The following ARRB1 variants were observed in gnomAD, a reference collection of about 807,000 sequenced individuals.
ARRB1 encodes the protein beta-arrestin-1.
A neutral mutation model predicts 56.8 loss-of-function variants in ARRB1; 21 were observed. The ratio of observed to expected loss-of-function variants is 0.37; its 90% CI spans 0.26 to 0.53. The LOEUF (loss-of-function observed/expected upper bound fraction) is 0.53. Ranked by LOEUF, ARRB1 falls within the 20% of genes least tolerant of loss-of-function variation. The probability of loss-of-function intolerance (pLI) is 0.88; values close to 1 mark genes in which losing one functional copy is unlikely to be tolerated. For missense variants in ARRB1, 424 were observed against 553.7 expected (o/e 0.77, Z 2.35); for synonymous variants, 210 against 218.6 (o/e 0.96, Z 0.35).
At chr11:75,302,704 G>A (rs1440374925) in intron 1 of ARRB1, among the ~76,000 whole-genome samples, 1 of 152,176 alleles carries the variant, frequency 6.6e-6, no homozygotes, top group African/African-American at 2.4e-5. Flanking sequence ...CCACCCCATA[G>A]GCTGGGGATA....
chr11:75,337,232 C>T (rs1480628493), intron 1 of ARRB1, among the ~76,000 whole-genome samples: 1 of 152,160 alleles, frequency 6.6e-6, no homozygotes, highest in African/African-American at 2.4e-5. Flanking sequence ...AGAAGGATCT[C>T]TTGAGCCCAG....
chr11:75,265,986 T>C lies in ARRB1; in HGVS notation c.*177A>G. 1 of 605,420 alleles carries C rather than the reference T, an allele frequency of 1.7e-6. No individual in the cohort carries two copies. The highest frequency in any genetic ancestry group is 3.0e-6 in the Non-Finnish European group (1 of 337,886). 37.5% of individuals were successfully genotyped at this position (605,420 alleles called of 1,614,324 possible). A position where few individuals can be genotyped will look rare whatever the true frequency, so the allele number is the denominator to read the frequency against. On this transcript the variant is annotated 3_prime_UTR_variant, in exon 16 of 16. Transcript: ENST00000420843. ...GTGCGCTGTGGTCCTGTTGGCGTGG[T>C]GATGTGGGGCCAATCCTGAGGCCAG...
At chr11:75,267,854 T>C (rs1945965170) in intron 14 of ARRB1, 151 bp from the exon 15 acceptor site, 2 of 697,190 alleles carry the variant, frequency 2.9e-6, no homozygotes, top group Non-Finnish European at 5.0e-6. Context: ...GACTCATTCC[T>C]GGTACTGAAA....
intron 1 of ARRB1, among the ~76,000 whole-genome samples, chr11:75,327,600 T>TTG (rs1947462077): frequency 4.1e-5 from 1 of 24,362 alleles, no homozygotes; most frequent in African/African-American, 4.0e-4. Flanking sequence ...TTTGTTTTTG[T>TTG]TTTTTTTTTT....
chr11:75,281,289 G>A, intron 6 of ARRB1, 147 bp from the exon 7 acceptor site: 1 of 776,762 alleles, frequency 1.3e-6, no homozygotes, highest in Non-Finnish European at 2.1e-6. Flanking sequence ...GGAAGAAGCG[G>A]GGGAACGCCC....
chr11:75,293,917 T>A (rs1262623037), intron 1 of ARRB1, among the ~76,000 whole-genome samples: 1 of 152,192 alleles, frequency 6.6e-6, no homozygotes, highest in African/African-American at 2.4e-5. Flanking sequence ...GCTGCCCCAT[T>A]GCCTCTGTGG....
Position 75,282,725 on chromosome 11 carries a change from G to C in ARRB1, c.354+562C>G, listed in dbSNP as rs151276310. 2.4e-4 allele frequency among the ~76,000 whole-genome samples: 37 copies of C among 152,322 alleles called. No individual in the cohort carries two copies. The East Asian group carries it at 6.2e-3, about 25-fold the overall frequency. The stretch of plus-strand genomic sequence containing the variant: ...GTGGCAATCTGTTTCAGCAGCCATA[G>C]GGAGCTAACATGTCTACGTAGAAAA... On this transcript the variant is annotated intron_variant, in intron 5 of 15. Coordinates refer to ENST00000420843, the MANE Select transcript of ARRB1 (RefSeq NM_004041.5).
intron 1 of ARRB1, among the ~76,000 whole-genome samples, chr11:75,293,903 G>C (rs1946665637): frequency 6.6e-6 from 1 of 152,236 alleles, no homozygotes; most frequent in Admixed American, 6.5e-5. Flanking sequence ...CTGCTTTCTG[G>C]GCGGCTGCCC....
chr11:75,286,885 T>C lies in ARRB1; in HGVS notation c.112+430A>G, dbSNP rs34983463. On this transcript the variant is annotated intron_variant, in intron 3 of 15. Transcript: ENST00000420843. ...TCACAAGGAAGCAGAACAAAGAGTT[T>C]TGCAGACTCTGCCAGGTTTGAACCG... 9.5e-3 allele frequency among the ~76,000 whole-genome samples: 1,450 copies of C among 152,254 alleles called. 19 individuals carry two copies. Among genetic ancestry groups the C allele is most frequent in the African/African-American group, 0.033 (1,380 of 41,542 alleles).
chr11:75,266,160 C>G lies in ARRB1; in HGVS notation c.*3G>C. 6.2e-7 allele frequency: 1 copy of G among 1,613,318 alleles called. No homozygotes were observed. Among genetic ancestry groups the G allele is most frequent in the Non-Finnish European group, 8.5e-7 (1 of 1,179,266 alleles). ...GAGCCACGTGGAGGCAGGGCCGGCC[C>G]GTCTATCTGTTGTTGAGCTGTGGAG... On this transcript the variant is annotated 3_prime_UTR_variant, in exon 16 of 16. Coordinates refer to ENST00000420843, the MANE Select transcript of ARRB1 (RefSeq NM_004041.5).
Position 75,274,230 on chromosome 11 carries a change from G to A in ARRB1, c.777-19C>T, listed in dbSNP as rs1450822327. On this transcript the variant is annotated intron_variant, in intron 10 of 15. Transcript: ENST00000420843. ...AGTGTCACTGGGAAGAAAGGAAGCAGCTGTGGAGATGGCCCTCCCCAGAGC... is the reference window on the plus strand; with the variant it reads ...AGTGTCACTGGGAAGAAAGGAAGCAACTGTGGAGATGGCCCTCCCCAGAGC... 4 of 1,613,146 alleles carry A rather than the reference G, an allele frequency of 2.5e-6. No individual in the cohort carries two copies. In the African/African-American group the frequency reaches 4.0e-5, roughly 16 times the overall value.
rs373714149 is a variant in ARRB1 at position 75,291,280 on chromosome 11, G to A, written c.21-1241C>T. Among the ~76,000 whole-genome samples the A allele has an allele frequency of 1.2e-3, 188 of 152,298 alleles. 1 individual carries two copies. Among genetic ancestry groups the A allele is most frequent in the African/African-American group, 4.5e-3 (186 of 41,556 alleles). ...ACCCAGAAGACGGAGCTTGCAGTGA[G>A]CCAAGATCACGCCACTGCACTCCAG... On this transcript the variant is annotated intron_variant, in intron 1 of 15. Coordinates refer to ENST00000420843, the MANE Select transcript of ARRB1 (RefSeq NM_004041.5).
rs1945798619 is a variant in ARRB1, at chr11:75,261,862, A to G, written c.*4301T>C. ...TCCTTTTGAGTTTAAAAAATTATAGATATCAGAACAGGCATAGGCCTATGT... is the reference window on the plus strand; with the variant it reads ...TCCTTTTGAGTTTAAAAAATTATAGGTATCAGAACAGGCATAGGCCTATGT... On this transcript the variant is annotated 3_prime_UTR_variant, in exon 16 of 16. Transcript: ENST00000420843. 6.6e-6 allele frequency: 1 copy of G among 152,230 alleles called. No homozygotes were observed. The highest frequency in any genetic ancestry group is 1.5e-5 in the Non-Finnish European group (1 of 68,056). The allele number at this position is 152,230 out of a possible 1,614,324, so 9.4% of individuals were successfully genotyped here. A position where few individuals can be genotyped will look rare whatever the true frequency, so the allele number is the denominator to read the frequency against.
At chr11:75,283,555 A>C in intron 4 of ARRB1, 72 bp from the exon 5 acceptor site, 1 of 1,449,402 alleles carries the variant, frequency 6.9e-7, no homozygotes. Context: ...TGCCGGCAGC[A>C]GCCCTGGGAC....
intron 1 of ARRB1, among the ~76,000 whole-genome samples, chr11:75,332,852 G>A (rs918451213): frequency 1.3e-5 from 2 of 151,852 alleles, no homozygotes; most frequent in African/African-American, 4.8e-5. Flanking sequence ...CTGAGATCGC[G>A]CCACTGCACT....
intron 1 of ARRB1, among the ~76,000 whole-genome samples, chr11:75,340,284 T>G (rs1050990945): frequency 1.3e-5 from 2 of 152,150 alleles, no homozygotes; most frequent in African/African-American, 2.4e-5. Context: ...GAGGGGACAA[T>G]GCTCAGAGCC....
chr11:75,349,340 T>C (rs1397375360), intron 1 of ARRB1, among the ~76,000 whole-genome samples: 1 of 152,150 alleles, frequency 6.6e-6, no homozygotes, highest in African/African-American at 2.4e-5. Flanking sequence ...AGTTTACAGA[T>C]GGGAAACTAA....
intron 1 of ARRB1, among the ~76,000 whole-genome samples, chr11:75,311,482 A>T (rs776787173): frequency 4.6e-5 from 7 of 152,242 alleles, no homozygotes; most frequent in Non-Finnish European, 8.8e-5. Context: ...CACAATGAAG[A>T]GTTTGTCAGA....
chr11:75,350,346 A>T (rs183285376), intron 1 of ARRB1, among the ~76,000 whole-genome samples: 1 of 152,310 alleles, frequency 6.6e-6, no homozygotes, highest in Non-Finnish European at 1.5e-5. Flanking sequence ...CTTAATAATA[A>T]ATGGAAACGA....
Sources: allele counts gnomAD v4.1 joint callset (sites outside exome capture counted in the v4.1 genomes callset), GRCh38; gene constraint gnomAD v4.1.1; transcripts MANE v1.5; gene names NCBI Gene and HGNC (gene_info 2026-07-23, HGNC 2026-07-21).